Variants in GALNT13 observed in about 807,000 individuals in gnomAD.
GALNT13 encodes the protein polypeptide N-acetylgalactosaminyltransferase 13, also known as UDP-GalNAc:polypeptide N-acetylgalactosaminyltransferase 13.
Under a neutral mutation model 64.2 loss-of-function variants are expected in GALNT13, and 28 were observed. The ratio of observed to expected loss-of-function variants is 0.44; its 90% confidence interval spans 0.32 to 0.60. The LOEUF (loss-of-function observed/expected upper bound fraction) is 0.60. GALNT13 is among the 20% of genes least tolerant of loss of function. GALNT13 has a pLI of 0.05. For missense variants in GALNT13, 577 were observed against 669.8 expected, an observed-to-expected ratio of 0.86 and a Z score of 1.53; for synonymous variants, 214 against 224.6, an observed-to-expected ratio of 0.95 and a Z score of 0.42.
the GALNT13 span, among the ~76,000 whole-genome samples, chr2:153,489,095 G>A: frequency 4.6e-5 from 7 of 152,132 alleles, no homozygotes; most frequent in Admixed American, 4.6e-4. Context: ...ATAGGGAGTG[G>A]AATAATAGAC....
the GALNT13 span, among the ~76,000 whole-genome samples, chr2:153,339,624 C>G: frequency 1.3e-5 from 2 of 152,002 alleles, no homozygotes; most frequent in Non-Finnish European, 2.9e-5. Flanking sequence ...TTAATGCAAT[C>G]CATTTGTTTA....
rs115064193 is a variant in GALNT13, at chr2:153,885,819, A to T, written c.-177+13516A>T. The stretch of plus-strand genomic sequence containing the variant: ...CACTAATTTTGTAGCTGATCAAAAT[A>T]ATTGCTGTAAAGATACTAGCTATTC... On this transcript the variant is annotated intron_variant, in intron 1 of 12. Transcript: ENST00000392825. Among the ~76,000 whole-genome samples the T allele has an allele frequency of 5.7e-3, 867 of 152,244 alleles. 8 individuals are homozygous for T. The highest frequency in any genetic ancestry group is 0.019 in the African/African-American group (796 of 41,552).
At chr2:154,082,158 A>G (rs796576351) in intron 3 of GALNT13, among the ~76,000 whole-genome samples, 13 of 151,810 alleles carry the variant, frequency 8.6e-5, no homozygotes, top group African/African-American at 3.1e-4. Context: ...GTTTTTTAAA[A>G]CAATGTAACC....
At chr2:153,425,733 A>C in the GALNT13 span, among the ~76,000 whole-genome samples, 1 of 151,888 alleles carries the variant, frequency 6.6e-6, no homozygotes, top group Non-Finnish European at 1.5e-5. Flanking sequence ...AAGTCAATTT[A>C]ATATGCCTGA....
At chr2:153,210,418 T>C in the GALNT13 span, among the ~76,000 whole-genome samples, 12 of 152,204 alleles carry the variant, frequency 7.9e-5, no homozygotes, top group Admixed American at 6.5e-5. Flanking sequence ...ATACAGAGTT[T>C]TATTTTTTTA....
intron 3 of GALNT13, among the ~76,000 whole-genome samples, chr2:154,042,725 A>ATATATTT: frequency 1.5e-5 from 2 of 134,716 alleles, no homozygotes; most frequent in African/African-American, 5.8e-5. Context: ...TATATATATT[A>ATATATTT]GGTTTTCATT....
At chr2:154,150,675 G>T (rs1303714837) in intron 4 of GALNT13, among the ~76,000 whole-genome samples, 2 of 152,168 alleles carry the variant, frequency 1.3e-5, no homozygotes, top group South Asian at 4.1e-4. Flanking sequence ...TTTGTGTCGA[G>T]GAATTTATCC....
chr2:153,983,857 C>T (rs1694625626), intron 3 of GALNT13, among the ~76,000 whole-genome samples: 1 of 151,928 alleles, frequency 6.6e-6, no homozygotes, highest in African/African-American at 2.4e-5. Flanking sequence ...TATCACTTAC[C>T]TTCTTCCTTC....
the GALNT13 span, among the ~76,000 whole-genome samples, chr2:153,646,020 G>T: frequency 3.3e-5 from 5 of 152,068 alleles, no homozygotes; most frequent in Non-Finnish European, 1.5e-5. Flanking sequence ...TGTGAGGTAT[G>T]CAGAAAAACT....
intron 4 of GALNT13, among the ~76,000 whole-genome samples, chr2:154,148,395 C>T (rs529419678): frequency 8.5e-5 from 13 of 152,068 alleles, no homozygotes; most frequent in South Asian, 2.1e-4. Flanking sequence ...TACATGTGCA[C>T]GTGTCTTTAT....
At chr2:153,719,090 A>G in the GALNT13 span, among the ~76,000 whole-genome samples, 2 of 152,006 alleles carry the variant, frequency 1.3e-5, no homozygotes, top group Admixed American at 1.3e-4. Flanking sequence ...AAGGCACCTC[A>G]AGCCTTGATT....
the GALNT13 span, among the ~76,000 whole-genome samples, chr2:153,438,809 C>G: frequency 0.099 from 15,005 of 152,100 alleles, 998 homozygotes; most frequent in Non-Finnish European, 0.15. Context: ...TCTTCTGAAG[C>G]CTTCTTCTCT....
the GALNT13 span, among the ~76,000 whole-genome samples, chr2:153,732,663 A>G: frequency 6.6e-6 from 1 of 152,112 alleles, no homozygotes; most frequent in Non-Finnish European, 1.5e-5. Flanking sequence ...GAACATATTC[A>G]TGTAAGTTGA....
upstream of GALNT13, among the ~76,000 whole-genome samples, chr2:153,870,875 CCT>C (rs1685880273): frequency 6.6e-6 from 1 of 151,844 alleles, no homozygotes; most frequent in Non-Finnish European, 1.5e-5. Flanking sequence ...AGCAAGGACC[CCT>C]GTCAGCCCTT....
chr2:153,087,867 T>C, the GALNT13 span, among the ~76,000 whole-genome samples: 1 of 152,192 alleles, frequency 6.6e-6, no homozygotes, highest in Non-Finnish European at 1.5e-5. Flanking sequence ...CTTCTTTTCT[T>C]GGTAATCTCA....
chr2:154,243,479 TAAA>T (rs940339000), intron 6 of GALNT13, among the ~76,000 whole-genome samples: 5 of 151,876 alleles, frequency 3.3e-5, no homozygotes, highest in African/African-American at 1.2e-4. Flanking sequence ...AAATTATAAT[TAAA>T]AAAAGAAACA....
intron 2 of GALNT13, among the ~76,000 whole-genome samples, chr2:153,904,991 T>C (rs1688460933): frequency 6.6e-6 from 1 of 151,962 alleles, no homozygotes; most frequent in South Asian, 2.1e-4. Flanking sequence ...AGCCAACTTC[T>C]ATTTAATTGG....
At chr2:153,166,325 C>A in the GALNT13 span, among the ~76,000 whole-genome samples, 1 of 152,180 alleles carries the variant, frequency 6.6e-6, no homozygotes, top group Admixed American at 6.5e-5. Flanking sequence ...ATCATCCTGG[C>A]AGTATTCTAT....
intron 4 of GALNT13, among the ~76,000 whole-genome samples, chr2:154,228,002 A>G (rs1439704504): frequency 2.0e-5 from 3 of 152,152 alleles, no homozygotes. Flanking sequence ...CAAATCCTAG[A>G]AAACATAGCA....
Sources: gnomAD v4.1 joint callset for allele counts (sites outside exome capture counted in the v4.1 genomes callset) on GRCh38, gnomAD v4.1.1 for gene constraint, MANE v1.5 for transcripts, NCBI Gene and HGNC (gene_info 2026-07-23, HGNC 2026-07-21) for gene names.